The following CNTLN variants were observed in gnomAD, a reference collection of about 807,000 sequenced individuals.
The protein encoded by CNTLN is centlein.
Under a neutral mutation model 180.0 loss-of-function variants are expected in CNTLN, and 212 were observed. That is an observed-to-expected ratio of 1.18 (90% CI 1.05 to 1.32). CNTLN has a LOEUF of 1.32. Among genes scored for constraint, CNTLN ranks in the 40% most tolerant of loss-of-function variants. The pLI, the probability that CNTLN is intolerant of heterozygous loss-of-function variation, is 0.00. For missense variants in CNTLN, 2,095 were observed against 1,610.9 expected, an observed-to-expected ratio of 1.30 and a Z score of -5.14; for synonymous variants, 722 against 563.1, an observed-to-expected ratio of 1.28 and a Z score of -3.99.
chr9:17,481,578 C>T (rs1237843997), intron 23 of CNTLN, among the ~76,000 whole-genome samples: 1 of 152,182 alleles, frequency 6.6e-6, no homozygotes, highest in African/African-American at 2.4e-5. Context: ...CTTCATCATG[C>T]AGCCCAATGT....
intron 8 of CNTLN, among the ~76,000 whole-genome samples, chr9:17,322,458 T>C (rs1165085253): frequency 1.3e-5 from 2 of 152,138 alleles, no homozygotes; most frequent in Non-Finnish European, 2.9e-5. Context: ...GATATTCTGA[T>C]ATTTCAAGCT....
At chr9:17,514,450 A>G in the CNTLN span, among the ~76,000 whole-genome samples, 1 of 152,240 alleles carries the variant, frequency 6.6e-6, no homozygotes, top group Non-Finnish European at 1.5e-5. Flanking sequence ...CTCAAAAAAC[A>G]GACAATTCCT....
At chr9:17,263,534 T>A (rs1402459489) in intron 5 of CNTLN, among the ~76,000 whole-genome samples, 5 of 151,702 alleles carry the variant, frequency 3.3e-5, no homozygotes, top group African/African-American at 1.2e-4. Flanking sequence ...GCAGCATGAT[T>A]TATAATCCTT....
intron 13 of CNTLN, among the ~76,000 whole-genome samples, chr9:17,387,290 G>A (rs2133651146): frequency 6.6e-6 from 1 of 152,134 alleles, no homozygotes; most frequent in Admixed American, 6.5e-5. Flanking sequence ...GGCTAACACA[G>A]ATATATATCC....
intron 5 of CNTLN, among the ~76,000 whole-genome samples, chr9:17,237,354 T>TACACACACAC (rs59168012): frequency 3.9e-4 from 42 of 106,488 alleles, no homozygotes; most frequent in African/African-American, 1.1e-3. Flanking sequence ...TATATGCCCC[T>TACACACACAC]ACACACACAC....
chr9:17,403,172 A>G (rs1397084365), intron 15 of CNTLN, among the ~76,000 whole-genome samples: 1 of 151,698 alleles, frequency 6.6e-6, no homozygotes, highest in African/African-American at 2.4e-5. Context: ...CTTTTGGAAG[A>G]GATACACACA....
intron 5 of CNTLN, among the ~76,000 whole-genome samples, chr9:17,269,960 T>A (rs914603014): frequency 2.6e-5 from 4 of 152,130 alleles, no homozygotes; most frequent in African/African-American, 9.6e-5. Context: ...ATTGTAAATG[T>A]TTAGTTTTAT....
At chr9:17,380,643 A>G (rs968899396) in intron 13 of CNTLN, among the ~76,000 whole-genome samples, 3 of 152,206 alleles carry the variant, frequency 2.0e-5, no homozygotes, top group African/African-American at 7.2e-5. Context: ...AGGTTTGGCC[A>G]GGAGCTAGAT....
chr9:17,260,607 C>G (rs763387586), intron 5 of CNTLN, among the ~76,000 whole-genome samples: 1 of 151,302 alleles, frequency 6.6e-6, no homozygotes, highest in African/African-American at 2.5e-5. Context: ...TGAAAATTTT[C>G]TCCCATTCTG....
At chr9:17,223,836 C>A (rs566532172) in intron 2 of CNTLN, among the ~76,000 whole-genome samples, 1 of 151,964 alleles carries the variant, frequency 6.6e-6, no homozygotes, top group Non-Finnish European at 1.5e-5. Flanking sequence ...TTATTTTATC[C>A]CCAGTGATTT....
At chr9:17,357,612 T>TATATATATATAATACATATATATATAA (rs1564025214) in intron 12 of CNTLN, among the ~76,000 whole-genome samples, 1 of 88,588 alleles carries the variant, frequency 1.1e-5, no homozygotes, top group East Asian at 2.5e-4. Context: ...CATATATATA[T>TATATATATATAATACATATATATATAA]AAATACTACA....
intron 10 of CNTLN, 84 bp downstream of exon 10, chr9:17,332,814 T>A: frequency 9.1e-7 from 1 of 1,102,210 alleles, no homozygotes; most frequent in Non-Finnish European, 1.2e-6. Context: ...AGATTACTAG[T>A]TGTCCTTTTT....
chr9:17,448,522 T>C (rs1229904776), intron 18 of CNTLN: 2 of 152,324 alleles, frequency 1.3e-5, no homozygotes, highest in Admixed American at 6.5e-5. Flanking sequence ...GGCTCCAAAC[T>C]CTGCGTGTAC....
At chr9:17,218,402 A>G (rs992998981) in intron 2 of CNTLN, among the ~76,000 whole-genome samples, 7 of 151,938 alleles carry the variant, frequency 4.6e-5, no homozygotes, top group African/African-American at 1.7e-4. Context: ...TATTTTTGCA[A>G]CCTCTTTTTC....
At chr9:17,481,752 CCAACAGGAAGCAA>C (rs1564142252) in intron 23 of CNTLN, among the ~76,000 whole-genome samples, 1 of 152,196 alleles carries the variant, frequency 6.6e-6, no homozygotes, top group East Asian at 1.9e-4. Context: ...GTGATCCTGC[CCAACAGGAAGCAA>C]TTCTAGAGCC....
chr9:17,162,380 C>T (rs1819743973), intron 2 of CNTLN, among the ~76,000 whole-genome samples: 1 of 152,196 alleles, frequency 6.6e-6, no homozygotes, highest in Non-Finnish European at 1.5e-5. Context: ...TCCCAAAGTG[C>T]TGGGATTACA....
chr9:17,359,742 A>AAAC (rs1564027377), intron 12 of CNTLN, among the ~76,000 whole-genome samples: 1 of 123,024 alleles, frequency 8.1e-6, no homozygotes, highest in Non-Finnish European at 1.8e-5. Flanking sequence ...AAAAAAAAAA[A>AAAC]AAAAAAAACT....
At chr9:17,186,145 C>T (rs1486249017) in intron 2 of CNTLN, among the ~76,000 whole-genome samples, 1 of 152,072 alleles carries the variant, frequency 6.6e-6, no homozygotes, top group East Asian at 1.9e-4. Context: ...TCATCTTGGA[C>T]TTTGTTTATA....
intron 13 of CNTLN, among the ~76,000 whole-genome samples, chr9:17,385,924 A>G (rs1014824128): frequency 6.6e-6 from 1 of 152,188 alleles, no homozygotes; most frequent in Non-Finnish European, 1.5e-5. Flanking sequence ...TTGTATCACA[A>G]GTACCTTCTG....
Sources: allele counts gnomAD v4.1 joint callset (sites outside exome capture counted in the v4.1 genomes callset), GRCh38; gene constraint gnomAD v4.1.1; transcripts MANE v1.5; gene names NCBI Gene and HGNC (gene_info 2026-07-23, HGNC 2026-07-21).